FRMD4B: variants seen among roughly 807,000 people sequenced by gnomAD.
The protein encoded by FRMD4B is FERM domain containing 4B, also known as FERM domain-containing protein 4B.
Under a neutral mutation model 141.5 loss-of-function variants are expected in FRMD4B, and 74 were observed. The observed-to-expected ratio is 0.52, with a 90% CI of 0.43 to 0.63. The LOEUF is 0.63. FRMD4B is among the 30% of genes least tolerant of loss of function. The pLI is 0.00. For missense variants in FRMD4B, 1,366 were observed against 1,253.4 expected, an observed-to-expected ratio of 1.09 and a Z score of -1.36; for synonymous variants, 506 against 467.9, an observed-to-expected ratio of 1.08 and a Z score of -1.05.
intron 4 of FRMD4B, among the ~76,000 whole-genome samples, chr3:69,293,980 T>C (rs1014223503): frequency 6.6e-6 from 1 of 150,542 alleles, no homozygotes; most frequent in Non-Finnish European, 1.5e-5. Context: ...TAACATAAAA[T>C]GAGAAAATAG....
intron 2 of FRMD4B, among the ~76,000 whole-genome samples, chr3:69,418,784 C>A (rs982376560): frequency 6.6e-6 from 1 of 152,020 alleles, no homozygotes; most frequent in Non-Finnish European, 1.5e-5. Flanking sequence ...GCAGAGGACC[C>A]AGTTAAGTTG....
At chr3:69,332,044 G>A (rs575407851) in intron 1 of FRMD4B, among the ~76,000 whole-genome samples, 144 of 152,194 alleles carry the variant, frequency 9.5e-4, no homozygotes, top group African/African-American at 3.1e-3. Context: ...CTGAGATCAC[G>A]CCACTGCATT....
At chr3:69,338,103 T>C (rs544917233) in intron 1 of FRMD4B, among the ~76,000 whole-genome samples, 1 of 152,306 alleles carries the variant, frequency 6.6e-6, no homozygotes, top group Admixed American at 6.5e-5. Flanking sequence ...GTGGCACATA[T>C]ACACCATGGA....
chr3:69,337,393 T>C (rs1702591549), intron 1 of FRMD4B, among the ~76,000 whole-genome samples: 1 of 152,210 alleles, frequency 6.6e-6, no homozygotes. Context: ...GACATAGGCA[T>C]GGGCAAGGAC....
At chr3:69,492,334 T>A (rs1575589683) in intron 1 of FRMD4B, among the ~76,000 whole-genome samples, 1 of 152,160 alleles carries the variant, frequency 6.6e-6, no homozygotes, top group Non-Finnish European at 1.5e-5. Flanking sequence ...ATCTAATAAT[T>A]CCTGGCAGCC....
rs9869412 is a variant in FRMD4B at position 69,474,828 on chromosome 3, C to A, written c.-128-42067G>T. ...AGAGACTACTGTCTGATGTGGAAGA[C>A]GGACTGTTTAACAACCCCTTAAACC... On this transcript the variant is annotated intron_variant, in intron 1 of 5. Transcript: ENST00000459638. Among the ~76,000 whole-genome samples, 7 of 152,014 alleles carry A rather than the reference C, an allele frequency of 4.6e-5. No homozygotes were observed. The East Asian group carries it at 1.4e-3, about 29-fold the overall frequency.
At chr3:69,506,435 G>GT (rs1401356689) in intron 1 of FRMD4B, among the ~76,000 whole-genome samples, 1 of 148,874 alleles carries the variant, frequency 6.7e-6, no homozygotes, top group Non-Finnish European at 1.5e-5. Flanking sequence ...GAACCCAAGT[G>GT]TAAAAAAAAA....
In FRMD4B at chr3:69,474,351, T is replaced by C. The variant is rs375529774; in HGVS notation, c.-128-41590A>G. 2.6e-4 allele frequency among the ~76,000 whole-genome samples: 40 copies of C among 152,324 alleles called. 1 individual carries two copies. Among genetic ancestry groups the C allele is most frequent in the African/African-American group, 8.7e-4 (36 of 41,578 alleles). ...CTGGGGAAACTCAGCAGCATGAAGT[T>C]GCAAATGGTCATTCCAAAACTACCA... On this transcript the variant is annotated intron_variant, in intron 1 of 5. Coordinates refer to the FRMD4B transcript ENST00000459638.
intron 1 of FRMD4B, among the ~76,000 whole-genome samples, chr3:69,461,506 C>T (rs1454441554): frequency 2.0e-5 from 3 of 151,714 alleles, no homozygotes; most frequent in South Asian, 2.1e-4. Flanking sequence ...CGCCTATAGT[C>T]CCACCCACTC....
At chr3:69,456,830 A>C (rs1489722064) in intron 1 of FRMD4B, among the ~76,000 whole-genome samples, 2 of 150,644 alleles carry the variant, frequency 1.3e-5, no homozygotes, top group Non-Finnish European at 2.9e-5. Flanking sequence ...ATAAAGTTTT[A>C]TTGGAGCACA....
intron 5 of FRMD4B, among the ~76,000 whole-genome samples, chr3:69,260,837 A>G (rs1257334004): frequency 1.3e-5 from 2 of 152,252 alleles, no homozygotes; most frequent in Non-Finnish European, 2.9e-5. Flanking sequence ...GTGTCTAGCT[A>G]ACCTAGTAGG....
intron 11 of FRMD4B, among the ~76,000 whole-genome samples, chr3:69,199,623 G>T (rs1354827611): frequency 6.6e-6 from 1 of 152,200 alleles, no homozygotes; most frequent in African/African-American, 2.4e-5. Flanking sequence ...CAGAGAAGGG[G>T]TAGGAGGGAA....
chr3:69,453,239 G>T (rs942846868), intron 1 of FRMD4B, among the ~76,000 whole-genome samples: 11 of 152,196 alleles, frequency 7.2e-5, no homozygotes, highest in African/African-American at 2.7e-4. Flanking sequence ...TATGTACAGT[G>T]CCTTGTGTTG....
chr3:69,365,219 T>C (rs532114527), intron 1 of FRMD4B, among the ~76,000 whole-genome samples: 1 of 152,310 alleles, frequency 6.6e-6, no homozygotes, highest in Non-Finnish European at 1.5e-5. Flanking sequence ...AAACCTGCTC[T>C]CAAGTCTGGC....
intron 2 of FRMD4B, among the ~76,000 whole-genome samples, chr3:69,414,401 C>G (rs547491192): frequency 6.6e-6 from 1 of 152,326 alleles, no homozygotes; most frequent in African/African-American, 2.4e-5. Flanking sequence ...TTTTACAAAT[C>G]TATACTATGT....
chr3:69,199,606 T>C (rs940086683), intron 11 of FRMD4B, among the ~76,000 whole-genome samples: 7 of 152,224 alleles, frequency 4.6e-5, no homozygotes, highest in Middle Eastern at 3.4e-3. Flanking sequence ...GCACCAGTAA[T>C]TGGGGGCAGA....
rs142036983 is a variant in FRMD4B, at chr3:69,426,806, C to T, written c.-1+5828G>A. Among the ~76,000 whole-genome samples, 610 of 152,132 alleles carry T rather than the reference C, an allele frequency of 4.0e-3. 1 individual carries two copies. Among genetic ancestry groups the T allele is most frequent in the Non-Finnish European group, 7.4e-3 (504 of 68,006 alleles). On this transcript the variant is annotated intron_variant, in intron 2 of 5. Transcript: ENST00000459638. Reference sequence around the variant, plus strand: ...ATGTAATAAGATAAGCCCACAGATGCGCTTAGGGGCTGAGATGACAGAAAG... The same window carrying T: ...ATGTAATAAGATAAGCCCACAGATGTGCTTAGGGGCTGAGATGACAGAAAG...
chr3:69,258,283 A>C (rs970604908), intron 5 of FRMD4B, among the ~76,000 whole-genome samples: 2 of 152,104 alleles, frequency 1.3e-5, no homozygotes, highest in South Asian at 4.2e-4. Context: ...TCAGTATTTA[A>C]TTTTTTTTAT....
intron 5 of FRMD4B, among the ~76,000 whole-genome samples, chr3:69,251,203 T>C (rs990624172): frequency 6.6e-6 from 1 of 152,228 alleles, no homozygotes; most frequent in Non-Finnish European, 1.5e-5. Context: ...TAATTAGTAC[T>C]TGAAAGGGCA....
Sources: gnomAD v4.1 joint callset for allele counts (sites outside exome capture counted in the v4.1 genomes callset) on GRCh38, gnomAD v4.1.1 for gene constraint, MANE v1.5 for transcripts, NCBI Gene and HGNC (gene_info 2026-07-23, HGNC 2026-07-21) for gene names.